IGDCC3: variants seen among roughly 807,000 people sequenced by gnomAD.
The protein encoded by IGDCC3 is immunoglobulin superfamily DCC subclass member 3.
In IGDCC3, 47 loss-of-function variants were observed where a neutral mutation model predicts 72.0. The observed-to-expected ratio is 0.65, with a 90% confidence interval of 0.52 to 0.83. The LOEUF is 0.83. Among genes scored for constraint, IGDCC3 ranks in the 40% least tolerant of loss-of-function variants. The pLI is 0.00. For synonymous variants in IGDCC3, 477 were observed against 472.8 expected, an observed-to-expected ratio of 1.01 and a Z score of -0.11; for missense variants, 1,038 against 1,091.3, an observed-to-expected ratio of 0.95 and a Z score of 0.69.
At chr15:65,357,834 C>A (rs1441176866) in intron 2 of IGDCC3, among the ~76,000 whole-genome samples, 3 of 152,222 alleles carry the variant, frequency 2.0e-5, no homozygotes, top group Non-Finnish European at 2.9e-5. Context: ...GCCCTCTTGG[C>A]ATCACAGCAC....
intron 2 of IGDCC3, among the ~76,000 whole-genome samples, chr15:65,362,526 C>CCGTT (rs1347019366): frequency 6.9e-6 from 1 of 145,102 alleles, no homozygotes. Context: ...TCACACGAAG[C>CCGTT]CTGAACAAAA....
rs1215868484 is a variant in IGDCC3 at position 65,339,924 on chromosome 15, G to A, written c.410-3968C>T. On this transcript the variant is annotated intron_variant, in intron 2 of 13. Transcript: ENST00000327987. The surrounding 1 kb of genome is among the most constrained non-coding windows in gnomAD (Gnocchi z 4.1). The stretch of plus-strand genomic sequence containing the variant: ...TGGGCAATGGTCTTCCAGGTGTGAG[G>A]GCCAGAGAAAGCGACAGGGAGGACA... Among the ~76,000 whole-genome samples, 1 of 152,122 alleles carries A rather than the reference G, an allele frequency of 6.6e-6. No homozygotes were observed. Among genetic ancestry groups the A allele is most frequent in the Non-Finnish European group, 1.5e-5 (1 of 68,020 alleles).
At chr15:65,360,088 G>A (rs2091250744) in intron 2 of IGDCC3, among the ~76,000 whole-genome samples, 1 of 152,136 alleles carries the variant, frequency 6.6e-6, no homozygotes, top group Non-Finnish European at 1.5e-5. Context: ...CAAGTGGGAG[G>A]GATAAGAGAT....
intron 2 of IGDCC3, among the ~76,000 whole-genome samples, chr15:65,345,275 A>C (rs1395279642): frequency 6.6e-6 from 1 of 151,990 alleles, no homozygotes; most frequent in Non-Finnish European, 1.5e-5. Context: ...GATGATGGCC[A>C]GGTGCAGTGA....
rs1246057531 is a variant in IGDCC3 at position 65,328,337 on chromosome 15, G to T, written c.*572C>A. On this transcript the variant is annotated 3_prime_UTR_variant, in exon 14 of 14. Transcript: ENST00000327987. ...TTTTTTACTCTGGACAACAGTGTGG[G>T]AAGGGAGAGGGGGTCCCCAGCAAGG... 1 of 148,436 alleles carries T rather than the reference G, an allele frequency of 6.7e-6. No individual in the cohort carries two copies. The highest frequency in any genetic ancestry group is 2.5e-5 in the African/African-American group (1 of 40,304). The allele number at this position is 148,436 out of a possible 1,614,324, so 9.2% of individuals were successfully genotyped here.
intron 2 of IGDCC3, among the ~76,000 whole-genome samples, chr15:65,347,388 G>A (rs2091133276): frequency 6.6e-6 from 1 of 152,166 alleles, no homozygotes; most frequent in South Asian, 2.1e-4. Context: ...TGTAAAATGG[G>A]AGTGGGGCAG....
intron 7 of IGDCC3, 60 bp downstream of exon 7, chr15:65,331,881 C>T: frequency 6.4e-7 from 1 of 1,558,468 alleles, no homozygotes; most frequent in Non-Finnish European, 8.7e-7. Flanking sequence ...GCCACTCACT[C>T]CAGGCCCCGC....
intron 2 of IGDCC3, among the ~76,000 whole-genome samples, chr15:65,372,742 T>G (rs903020409): frequency 1.3e-5 from 2 of 152,196 alleles, no homozygotes; most frequent in African/African-American, 4.8e-5. Flanking sequence ...GGCACCCTCC[T>G]GTGTCACACA....
chr15:65,347,455 G>A (rs949810557), intron 2 of IGDCC3, among the ~76,000 whole-genome samples: 1 of 152,088 alleles, frequency 6.6e-6, no homozygotes, highest in Non-Finnish European at 1.5e-5. Flanking sequence ...GATAACACTG[G>A]GTAAAGTGAC....
chr15:65,370,712 C>A (rs1292320763), intron 2 of IGDCC3, among the ~76,000 whole-genome samples: 1 of 149,070 alleles, frequency 6.7e-6, no homozygotes, highest in Non-Finnish European at 1.5e-5. Flanking sequence ...GCTCTTCCTG[C>A]ACATTATCAT....
chr15:65,343,544 A>G, intron 2 of IGDCC3, among the ~76,000 whole-genome samples: 1 of 152,074 alleles, frequency 6.6e-6, no homozygotes, highest in East Asian at 1.9e-4. Context: ...TGAGGCCTTG[A>G]TTTCTCTAGT....
At chr15:65,359,075 C>A (rs1241498795) in intron 2 of IGDCC3, among the ~76,000 whole-genome samples, 1 of 152,120 alleles carries the variant, frequency 6.6e-6, no homozygotes, top group African/African-American at 2.4e-5. Context: ...ATGCACCTGC[C>A]CCAAGTGCTG....
rs771919704 is a variant in IGDCC3 at position 65,330,566 on chromosome 15, G to T, written c.1737C>A (p.Tyr579Ter). The change falls in exon 10 of 14, where the codon TAC (tyrosine) becomes TAA (stop). Residue 579 changes from tyrosine to a stop codon, truncating the protein, a stop_gained. Transcript: ENST00000327987. LOFTEE classifies it high-confidence loss of function. ...PILLPGTVSS[Y>*]NLSQLDPTAV... Reference sequence around the variant, plus strand: ...CTGCCTCACCGAGCTGGCTGAGGTTGTAGGAGGAGACGGTTCCAGGCAGCA... The same window carrying T: ...CTGCCTCACCGAGCTGGCTGAGGTTTTAGGAGGAGACGGTTCCAGGCAGCA... 1 of 1,613,404 alleles carries T rather than the reference G, an allele frequency of 6.2e-7. No homozygotes were observed. Among genetic ancestry groups the T allele is most frequent in the Non-Finnish European group, 8.5e-7 (1 of 1,179,960 alleles).
chr15:65,330,453 C>T, intron 10 of IGDCC3, 56 bp from the exon 11 acceptor site: 1 of 1,580,260 alleles, frequency 6.3e-7, no homozygotes, highest in Non-Finnish European at 8.7e-7. Flanking sequence ...GTGCCCTGTC[C>T]TAGCCAGGAA....
At chr15:65,371,735 C>T (rs1181118334) in intron 2 of IGDCC3, among the ~76,000 whole-genome samples, 3 of 152,300 alleles carry the variant, frequency 2.0e-5, no homozygotes, top group Admixed American at 6.5e-5. Context: ...GTGGCAGGGA[C>T]TCGGGGTAGG....
intron 2 of IGDCC3, among the ~76,000 whole-genome samples, chr15:65,357,115 G>A (rs976191142): frequency 6.6e-6 from 1 of 151,898 alleles, no homozygotes; most frequent in Non-Finnish European, 1.5e-5. Flanking sequence ...GCCTCCCAAA[G>A]TGCTGGGATT....
At chr15:65,372,423 G>A (rs947305295) in intron 2 of IGDCC3, among the ~76,000 whole-genome samples, 2 of 152,182 alleles carry the variant, frequency 1.3e-5, no homozygotes, top group African/African-American at 4.8e-5. Flanking sequence ...AAAGGGAAAC[G>A]CTTGAAACTG....
At chr15:65,367,563 A>G (rs1293913077) in intron 2 of IGDCC3, among the ~76,000 whole-genome samples, 1 of 152,018 alleles carries the variant, frequency 6.6e-6, no homozygotes, top group Non-Finnish European at 1.5e-5. Context: ...AAGGAAAACT[A>G]TGGCCCAGAC....
chr15:65,328,935 TAACCCG>T lies in IGDCC3; in HGVS notation c.2413_2418del (p.Arg805_Val806del). 1.9e-6 allele frequency: 3 copies of T among 1,554,560 alleles called. No homozygotes were observed. Among genetic ancestry groups the T allele is most frequent in the Admixed American group, 2.0e-5 (1 of 49,628 alleles). On this transcript the variant is annotated inframe_deletion, in exon 14 of 14. Transcript: ENST00000327987. ...TACTGTTCCGAGTGAGCTGGCTGGG[TAACCCG>T]GGCCGCTGCAGGCCTGGAAGCCTGG...
Sources: gnomAD v4.1 joint callset for allele counts (sites outside exome capture counted in the v4.1 genomes callset) on GRCh38, gnomAD v4.1.1 for gene constraint, Gnocchi (gnomAD v3.1) non-coding constraint, MANE v1.5 for transcripts, NCBI Gene and HGNC (gene_info 2026-07-23, HGNC 2026-07-21) for gene names.